The following CMYA5 variants were observed in gnomAD, a reference collection of about 807,000 sequenced individuals.
CMYA5 encodes cardiomyopathy associated 5.
In CMYA5, 246 loss-of-function variants were observed where a neutral mutation model predicts 318.9. The observed-to-expected ratio is 0.77, with a 90% CI of 0.70 to 0.86. CMYA5 has a LOEUF of 0.86. Ranked by LOEUF, CMYA5 falls within the 40% of genes least tolerant of loss-of-function variation. CMYA5 has a pLI of 0.00. For synonymous variants in CMYA5, 1,641 were observed against 1,729.5 expected (o/e 0.95, Z 1.27); for missense variants, 4,589 against 4,678.2 (o/e 0.98, Z 0.56).
chr5:79,712,283 G>A (rs1199768848), intron 1 of CMYA5, among the ~76,000 whole-genome samples: 1 of 152,032 alleles, frequency 6.6e-6, no homozygotes, highest in Non-Finnish European at 1.5e-5. Context: ...GCGTGATCTC[G>A]GCTCACCGCA....
At chr5:79,691,598 G>A (rs1360079028) in intron 1 of CMYA5, among the ~76,000 whole-genome samples, 1 of 152,152 alleles carries the variant, frequency 6.6e-6, no homozygotes, top group Non-Finnish European at 1.5e-5. Flanking sequence ...TATGGAAAAT[G>A]GAGGCCTGGA....
At position 79,799,549 on chromosome 5, in the gene CMYA5, T is replaced by C. The variant is rs1445693062; in HGVS notation, c.12143T>C (p.Leu4048Pro). ...GAGGGTGTCCACCCTGCCTTTGCCC[T>C]GGAGAAACCTGGAAAATGTACTTTG... ...FNEGVHPAFALEKPGKCTLHL... is the reference protein window; with the variant it reads ...FNEGVHPAFAPEKPGKCTLHL... Residue 4048 changes from leucine to proline, a missense_variant, in exon 13 of 13, where the codon CTG becomes CCG. Coordinates refer to ENST00000446378, the MANE Select transcript of CMYA5 (RefSeq NM_153610.5). The C allele has an allele frequency of 6.2e-7, 1 of 1,614,006 alleles. No homozygotes were observed. The highest frequency in any genetic ancestry group is 2.2e-5 in the East Asian group (1 of 44,872).
intron 1 of CMYA5, among the ~76,000 whole-genome samples, chr5:79,695,527 T>G (rs1209124385): frequency 6.6e-6 from 1 of 152,250 alleles, no homozygotes; most frequent in East Asian, 1.9e-4. Flanking sequence ...CATAGCCACA[T>G]GTAGCTAGTG....
At chr5:79,768,834 T>A (rs1828803048) in intron 9 of CMYA5, among the ~76,000 whole-genome samples, 1 of 152,204 alleles carries the variant, frequency 6.6e-6, no homozygotes, top group South Asian at 2.1e-4. Flanking sequence ...AATTTGAGTG[T>A]TGGCCTGTCT....
At position 79,729,976 on chromosome 5, in the gene CMYA5, G is replaced by A. The variant is rs769814069; in HGVS notation, c.1211G>A (p.Gly404Glu). Residue 404 changes from glycine to glutamate, a missense_variant, in exon 2 of 13, where the codon GGA becomes GAA. Physicochemically the swap from Gly to Glu is moderately conservative, Grantham distance 98. Transcript: ENST00000446378. ...TKEECELASP[G>E]TAASENDSSV... ...GAAGAATGTGAGCTTGCTTCACCAG[G>A]AACTGCAGCTTCAGAGAATGACTCT... 9 of 1,613,882 alleles carry A rather than the reference G, an allele frequency of 5.6e-6. No homozygotes were observed. The highest frequency in any genetic ancestry group is 7.6e-6 in the Non-Finnish European group (9 of 1,179,900).
intron 9 of CMYA5, among the ~76,000 whole-genome samples, chr5:79,768,930 C>T (rs1380875162): frequency 6.6e-6 from 1 of 152,126 alleles, no homozygotes; most frequent in Non-Finnish European, 1.5e-5. Context: ...TTCAGCTACA[C>T]CAATCAGACG....
chr5:79,749,294 G>A (rs1434067837), intron 5 of CMYA5, among the ~76,000 whole-genome samples: 1 of 152,190 alleles, frequency 6.6e-6, no homozygotes. Context: ...AAACGTTCAT[G>A]TACACGTGCA....
At chr5:79,771,253 A>G (rs1828850390) in intron 9 of CMYA5, among the ~76,000 whole-genome samples, 1 of 152,162 alleles carries the variant, frequency 6.6e-6, no homozygotes, top group African/African-American at 2.4e-5. Flanking sequence ...GTGAGATTTC[A>G]AAGTCTAAGT....
intron 1 of CMYA5, among the ~76,000 whole-genome samples, chr5:79,726,061 G>A (rs1433804549): frequency 6.6e-6 from 1 of 152,170 alleles, no homozygotes; most frequent in Non-Finnish European, 1.5e-5. Context: ...AGTTTATTAA[G>A]TAAAGAAATA....
chr5:79,793,606 CA>C lies in CMYA5; in HGVS notation c.11960del (p.Gln3987ArgfsTer11). ...ATGGTACATGCACTGCTCTGAGCCA[CA>C]GAGGTAAGCGAGCCCTTCCCCTCCC... The part of the protein sequence containing the change: ...TSWYMHCSEP[Q>X]RYTFFYSGIV... On this transcript the variant is annotated frameshift_variant, in exon 12 of 13. Coordinates refer to ENST00000446378, the MANE Select transcript of CMYA5 (RefSeq NM_153610.5). LOFTEE classifies it high-confidence loss of function. 6.3e-7 allele frequency: 1 copy of C among 1,591,024 alleles called. No homozygotes were observed. The highest frequency in any genetic ancestry group is 8.6e-7 in the Non-Finnish European group (1 of 1,161,784).
intron 6 of CMYA5, 40 bp downstream of exon 6, chr5:79,752,834 G>A (rs369602143): frequency 5.1e-5 from 73 of 1,421,820 alleles, no homozygotes; most frequent in Non-Finnish European, 6.0e-5. Context: ...ATGAAATATG[G>A]CAGTTTTTGC....
intron 1 of CMYA5, among the ~76,000 whole-genome samples, chr5:79,709,904 T>G (rs1306471412): frequency 8.0e-6 from 1 of 125,348 alleles, no homozygotes; most frequent in Admixed American, 1.1e-4. Flanking sequence ...GAGGCTGCAG[T>G]GAGCCAAGAT....
At chr5:79,762,798 A>C (rs1416774546) in intron 8 of CMYA5, 3 of 417,618 alleles carry the variant, frequency 7.2e-6, no homozygotes, top group Non-Finnish European at 1.3e-5. Context: ...GTATATGTAT[A>C]AAGAAAGTCT....
In CMYA5 at chr5:79,730,287, G is replaced by A; in HGVS notation, c.1522G>A (p.Glu508Lys). 6.2e-7 allele frequency: 1 copy of A among 1,613,706 alleles called. No individual in the cohort carries two copies. ...PLMLEEPEKE[E>K]IETSLPIAIT... Reference sequence around the variant, plus strand: ...AATGTTAGAAGAACCAGAGAAAGAAGAAATAGAAACTTCCCTACCCATAGC... The same window carrying A: ...AATGTTAGAAGAACCAGAGAAAGAAAAAATAGAAACTTCCCTACCCATAGC... Residue 508 changes from glutamate (E) to lysine (K), a missense_variant, in exon 2 of 13, where the codon GAA (glutamate) becomes AAA (lysine). By Grantham distance (56) the Glu-to-Lys change is moderately conservative (BLOSUM62 1). Coordinates refer to ENST00000446378, the MANE Select transcript of CMYA5 (RefSeq NM_153610.5).
At position 79,731,023 on chromosome 5, in the gene CMYA5, C is replaced by T; in HGVS notation, c.2258C>T (p.Ser753Phe). The T allele has an allele frequency of 6.2e-7, 1 of 1,614,014 alleles. No homozygotes were observed. ...GCTGTGGCCCCTGCTTCTGAGCCCT[C>T]TCTCTCACCATCCACAACCGAAAAG... ...TPAVAPASEPSLSPSTTEKTS... is the reference protein window; with the variant it reads ...TPAVAPASEPFLSPSTTEKTS... The change falls in exon 2 of 13, where the codon TCT (serine) becomes TTT (phenylalanine). Residue 753 changes from serine (S) to phenylalanine (F), a missense_variant. Coordinates refer to ENST00000446378, the MANE Select transcript of CMYA5 (RefSeq NM_153610.5).
intron 9 of CMYA5, among the ~76,000 whole-genome samples, chr5:79,764,222 A>G (rs147066276): frequency 0.016 from 2,489 of 151,120 alleles, 67 homozygotes; most frequent in African/African-American, 0.058. Context: ...TCATTGTTCA[A>G]CTCCCACTTA....
chr5:79,721,405 A>G (rs1355659241), intron 1 of CMYA5, among the ~76,000 whole-genome samples: 1 of 152,196 alleles, frequency 6.6e-6, no homozygotes, highest in African/African-American at 2.4e-5. Flanking sequence ...AAAATAAATA[A>G]TAAGATGGCA....
intron 1 of CMYA5, among the ~76,000 whole-genome samples, chr5:79,702,204 C>T (rs781619979): frequency 2.5e-4 from 38 of 152,062 alleles, no homozygotes; most frequent in Admixed American, 9.8e-4. Context: ...CATTTCCACC[C>T]GGAGCAACAT....
At chr5:79,725,443 A>G (rs950542516) in intron 1 of CMYA5, among the ~76,000 whole-genome samples, 2 of 152,344 alleles carry the variant, frequency 1.3e-5, no homozygotes, top group South Asian at 2.1e-4. Flanking sequence ...GATGGGCACA[A>G]TAGACACTGG....
Sources: gnomAD v4.1 joint callset for allele counts (sites outside exome capture counted in the v4.1 genomes callset) on GRCh38, gnomAD v4.1.1 for gene constraint, MANE v1.5 for transcripts, NCBI Gene and HGNC (gene_info 2026-07-23, HGNC 2026-07-21) for gene names.